The following LHPP variants were observed in gnomAD, a reference collection of about 807,000 sequenced individuals.
LHPP encodes phospholysine phosphohistidine inorganic pyrophosphate phosphatase, also known as hLHPP.
A neutral mutation model predicts 30.3 loss-of-function variants in LHPP; 24 were observed. The ratio of observed to expected loss-of-function variants is 0.79; its 90% CI spans 0.57 to 1.11. The LOEUF (loss-of-function observed/expected upper bound fraction) is 1.11. LHPP is among the 50% of genes most tolerant of loss of function. LHPP has a pLI of 0.00. For synonymous variants in LHPP, 150 were observed against 157.1 expected (o/e 0.95, Z 0.34); for missense variants, 356 against 367.2 (o/e 0.97, Z 0.25).
At chr10:124,557,440 A>G (rs534516180) in intron 6 of LHPP, among the ~76,000 whole-genome samples, 1 of 152,324 alleles carries the variant, frequency 6.6e-6, no homozygotes, top group East Asian at 1.9e-4. Flanking sequence ...ACGAGTTCCA[A>G]AGGGAACTCG....
Position 124,497,533 on chromosome 10 carries a change from C to G in LHPP, c.532-503C>G, listed in dbSNP as rs1953762284. Among the ~76,000 whole-genome samples the G allele has an allele frequency of 1.3e-5, 2 of 152,218 alleles. 1 individual carries two copies. Among genetic ancestry groups the G allele is most frequent in the South Asian group, 4.1e-4 (2 of 4,830 alleles). On this transcript the variant is annotated intron_variant, in intron 4 of 6. Coordinates refer to ENST00000368842, the MANE Select transcript of LHPP (RefSeq NM_022126.4). Reference sequence around the variant, plus strand: ...CCTCCGGGTGGGGCTCCCCTGGGTCCACTCTGGCCCAGGTCCCATTAGCTG... The same window carrying G: ...CCTCCGGGTGGGGCTCCCCTGGGTCGACTCTGGCCCAGGTCCCATTAGCTG...
At chr10:124,579,237 G>A (rs923611677) in intron 6 of LHPP, among the ~76,000 whole-genome samples, 1 of 152,258 alleles carries the variant, frequency 6.6e-6, no homozygotes, top group African/African-American at 2.4e-5. Context: ...CCACCACCGG[G>A]GCGCTGGCCA....
Position 124,510,625 on chromosome 10 carries a change from G to A in LHPP, c.625-6555G>A, listed in dbSNP as rs1954273819. Among the ~76,000 whole-genome samples the A allele has an allele frequency of 6.6e-6, 1 of 152,264 alleles. No individual in the cohort carries two copies. The highest frequency in any genetic ancestry group is 2.4e-5 in the African/African-American group (1 of 41,466). ...ATTCTGGGAGGGAAACCTGTGTGCT[G>A]TCTGGTTTTGTATGTGGGAGGAGCA... On this transcript the variant is annotated intron_variant, in intron 5 of 6. Transcript: ENST00000368842. The surrounding 1 kb of genome is among the most constrained non-coding windows in gnomAD (Gnocchi z 4.0).
At chr10:124,482,376 G>A (rs114413752) in intron 1 of LHPP, among the ~76,000 whole-genome samples, 2,943 of 152,320 alleles carry the variant, frequency 0.019, 107 homozygotes, top group African/African-American at 0.067. Context: ...AGTGGAATGT[G>A]TGTGTTTCGG....
At position 124,470,178 on chromosome 10, in the gene LHPP, T is replaced by G. The variant is rs1213093115; in HGVS notation, c.125+8191T>G. 3.3e-5 allele frequency among the ~76,000 whole-genome samples: 5 copies of G among 151,904 alleles called. No homozygotes were observed. In the East Asian group the frequency reaches 9.7e-4, roughly 29 times the overall value. On this transcript the variant is annotated intron_variant, in intron 1 of 6. Transcript: ENST00000368842. ...AGGCAGGGCCCAGCACAGCGAGGGGTGCAGAGGCCGGCCTCGGGGCCCTGG... is the reference window on the plus strand; with the variant it reads ...AGGCAGGGCCCAGCACAGCGAGGGGGGCAGAGGCCGGCCTCGGGGCCCTGG...
At chr10:124,535,571 A>G (rs1350256939) in intron 6 of LHPP, among the ~76,000 whole-genome samples, 1 of 125,264 alleles carries the variant, frequency 8.0e-6, no homozygotes, top group Non-Finnish European at 1.7e-5. Flanking sequence ...AATTAAAAAA[A>G]CATTTTTTTT....
intron 6 of LHPP, among the ~76,000 whole-genome samples, chr10:124,581,768 TAC>T (rs59904986): frequency 5.3e-4 from 53 of 100,770 alleles, no homozygotes; most frequent in Middle Eastern, 5.0e-3. Context: ...TATATGTATA[TAC>T]ACACACACAC....
intron 3 of LHPP, among the ~76,000 whole-genome samples, chr10:124,492,922 A>G (rs4962634): frequency 0.53 from 81,226 of 152,020 alleles, 22,296 homozygotes; most frequent in East Asian, 0.62. Context: ...GCTTCGTGGC[A>G]CACGCCTATA....
intron 6 of LHPP, among the ~76,000 whole-genome samples, chr10:124,534,781 G>A (rs1047943812): frequency 6.6e-6 from 1 of 152,192 alleles, no homozygotes; most frequent in Admixed American, 6.5e-5. Flanking sequence ...TGGCGCTGTC[G>A]GTGGTGTGGC....
In LHPP at chr10:124,541,213, C is replaced by T. The variant is rs916540511; in HGVS notation, c.716+23942C>T. On this transcript the variant is annotated intron_variant, in intron 6 of 6. Transcript: ENST00000368842. The surrounding 1 kb of genome is among the most constrained non-coding windows in gnomAD (Gnocchi z 4.2). ...ACCAAGAGGCAGCTTGGAGGTGGGC[C>T]GCTGCCCCTGCACACTGTGCTTGGG... Among the ~76,000 whole-genome samples the T allele has an allele frequency of 3.9e-5, 6 of 152,118 alleles. No homozygotes were observed. The highest frequency in any genetic ancestry group is 1.4e-4 in the African/African-American group (6 of 41,402).
chr10:124,493,853 A>T (rs573061303), intron 3 of LHPP: 97 of 152,322 alleles, frequency 6.4e-4, no homozygotes, highest in African/African-American at 2.3e-3. Context: ...GGGCCTTTAT[A>T]TTAAAAAAAA....
chr10:124,539,857 GC>G (rs1416128582), intron 6 of LHPP, among the ~76,000 whole-genome samples: 4 of 152,096 alleles, frequency 2.6e-5, no homozygotes, highest in African/African-American at 9.7e-5. Flanking sequence ...AGCTGAGATT[GC>G]ACCACTGCAC....
rs903325007 is a variant in LHPP at position 124,510,678 on chromosome 10, C to G, written c.625-6502C>G. ...CACACAGTTTCATTTTCCCCGGAAG[C>G]ATGGAGGTGTAGGATGACATGTAAT... On this transcript the variant is annotated intron_variant, in intron 5 of 6. Coordinates refer to ENST00000368842, the MANE Select transcript of LHPP (RefSeq NM_022126.4). The surrounding 1 kb of genome is among the most constrained non-coding windows in gnomAD (Gnocchi z 4.0). Among the ~76,000 whole-genome samples, 1 of 152,244 alleles carries G rather than the reference C, an allele frequency of 6.6e-6. No homozygotes were observed. The highest frequency in any genetic ancestry group is 2.4e-5 in the African/African-American group (1 of 41,462).
chr10:124,603,000 G>A (rs1949044605), intron 6 of LHPP, among the ~76,000 whole-genome samples: 1 of 152,248 alleles, frequency 6.6e-6, no homozygotes, highest in Non-Finnish European at 1.5e-5. Context: ...ACAGGTGGGA[G>A]GGACAGGGCA....
At chr10:124,490,517 G>T in intron 3 of LHPP, 1 of 361,614 alleles carries the variant, frequency 2.8e-6, no homozygotes, top group Non-Finnish European at 5.7e-6. Context: ...CTTGGCTACC[G>T]TGACTCCCTC....
chr10:124,580,863 C>T (rs1948734944), intron 6 of LHPP, among the ~76,000 whole-genome samples: 1 of 152,010 alleles, frequency 6.6e-6, no homozygotes, highest in Non-Finnish European at 1.5e-5. Context: ...GGATTACAGG[C>T]ACCCGCCACC....
Position 124,507,897 on chromosome 10 carries a change from G to C in LHPP, c.625-9283G>C, listed in dbSNP as rs372505216. Among the ~76,000 whole-genome samples the C allele has an allele frequency of 3.0e-4, 32 of 107,372 alleles. 3 individuals carry two copies. The highest frequency in any genetic ancestry group is 1.0e-3 in the African/African-American group (29 of 28,286). 70.4% of individuals were successfully genotyped at this position (107,372 alleles called of 152,430 possible). ...GGGGGTAGGCAGGATTTCAGGTCGG[G>C]GGGGTAGACAGGATTTCAGGTGGGG... is the stretch of plus-strand genomic sequence containing the variant. On this transcript the variant is annotated intron_variant, in intron 5 of 6. Transcript: ENST00000368842.
chr10:124,501,973 G>A (rs1171696965), intron 5 of LHPP, among the ~76,000 whole-genome samples: 2 of 151,788 alleles, frequency 1.3e-5, no homozygotes, highest in Non-Finnish European at 2.9e-5. Flanking sequence ...CAGTAGAGAG[G>A]GCAGCTCAGG....
rs758334852 is a variant in LHPP, at chr10:124,496,974, G to A, written c.481G>A (p.Glu161Lys). 6.2e-7 allele frequency: 1 copy of A among 1,613,994 alleles called. No individual in the cohort carries two copies. Among genetic ancestry groups the A allele is most frequent in the Non-Finnish European group, 8.5e-7 (1 of 1,179,962 alleles). The change falls in exon 4 of 7, where the codon GAG (glutamate) becomes AAG (lysine). Residue 161 changes from glutamate (E) to lysine (K), a missense_variant. Transcript: ENST00000368842. This position sits in a 1 kb window ranked among gnomAD's most constrained non-coding sequence, Gnocchi z 4.3. The part of the protein sequence containing the change: ...ISLGKGRYYK[E>K]TSGLMLDVGP... ...GCTCTCTCCTAGGCGTTACTACAAGGAGACCTCTGGCCTGATGCTGGACGT... is the reference window on the plus strand; with the variant it reads ...GCTCTCTCCTAGGCGTTACTACAAGAAGACCTCTGGCCTGATGCTGGACGT...
Sources: gnomAD v4.1 joint callset for allele counts (sites outside exome capture counted in the v4.1 genomes callset) on GRCh38, gnomAD v4.1.1 for gene constraint, Gnocchi (gnomAD v3.1) non-coding constraint, MANE v1.5 for transcripts, NCBI Gene and HGNC (gene_info 2026-07-23, HGNC 2026-07-21) for gene names.